Variants in ME2 observed in about 807,000 individuals in gnomAD.
ME2 encodes the protein NAD-dependent malic enzyme, mitochondrial.
Under a neutral mutation model 73.7 loss-of-function variants are expected in ME2, and 60 were observed. The ratio of observed to expected loss-of-function variants is 0.81; its 90% CI spans 0.66 to 1.01. The LOEUF (loss-of-function observed/expected upper bound fraction) is 1.01. Ranked by LOEUF, ME2 falls within the 50% of genes least tolerant of loss-of-function variation. ME2 has a pLI of 0.00. For missense variants in ME2, 594 were observed against 705.5 expected (o/e 0.84, Z 1.79); for synonymous variants, 199 against 236.9 (o/e 0.84, Z 1.47).
chr18:50,924,468 A>C (rs2144243987), intron 11 of ME2, among the ~76,000 whole-genome samples: 1 of 152,290 alleles, frequency 6.6e-6, no homozygotes, highest in South Asian at 2.1e-4. Context: ...GACTCAAAAC[A>C]TGAAAAAAAC....
chr18:50,941,367 T>C, intron 15 of ME2, among the ~76,000 whole-genome samples: 1 of 110,324 alleles, frequency 9.1e-6, no homozygotes, highest in Non-Finnish European at 1.8e-5. Flanking sequence ...TTTTTTTTTT[T>C]TTTTTTTTTT....
intron 15 of ME2, among the ~76,000 whole-genome samples, chr18:50,941,152 T>A (rs921135734): frequency 6.7e-6 from 1 of 149,988 alleles, no homozygotes. Context: ...TCCCAGCTAC[T>A]CTGGAGGCTG....
At chr18:50,898,449 G>A (rs961168871) in intron 2 of ME2, among the ~76,000 whole-genome samples, 5 of 151,626 alleles carry the variant, frequency 3.3e-5, no homozygotes, top group African/African-American at 1.2e-4. Flanking sequence ...TTATTTTTTT[G>A]AGACAGGTTC....
chr18:50,925,076 A>G (rs1215114748), intron 11 of ME2, among the ~76,000 whole-genome samples: 1 of 151,956 alleles, frequency 6.6e-6, no homozygotes, highest in Non-Finnish European at 1.5e-5. Context: ...ATGACATGGT[A>G]TTTTTCTCTT....
chr18:50,934,827 G>A (rs1917779741), intron 13 of ME2: 2 of 152,232 alleles, frequency 1.3e-5, no homozygotes, highest in South Asian at 4.1e-4. Context: ...GGGTCAAAGG[G>A]ATAAGATATT....
At chr18:50,940,658 T>G (rs1917927221) in intron 15 of ME2, among the ~76,000 whole-genome samples, 1 of 152,066 alleles carries the variant, frequency 6.6e-6, no homozygotes, top group Non-Finnish European at 1.5e-5. Context: ...GAGATAGGGG[T>G]CTTCCTGTGT....
chr18:50,903,791 G>A (rs28543025), intron 2 of ME2, among the ~76,000 whole-genome samples: 1 of 152,012 alleles, frequency 6.6e-6, no homozygotes, highest in Non-Finnish European at 1.5e-5. Flanking sequence ...TTAAACATAC[G>A]TTTTAGCCTT....
intron 4 of ME2, chr18:50,913,219 C>A: frequency 4.2e-6 from 1 of 235,852 alleles, no homozygotes; most frequent in Non-Finnish European, 8.1e-6. Flanking sequence ...ACCTGCTCCC[C>A]CACCAAAAAA....
chr18:50,887,695 A>G (rs1916504213), intron 1 of ME2, among the ~76,000 whole-genome samples: 1 of 152,204 alleles, frequency 6.6e-6, no homozygotes, highest in Non-Finnish European at 1.5e-5. Flanking sequence ...TTTAGCTTGT[A>G]AACTCTCAGG....
intron 15 of ME2, among the ~76,000 whole-genome samples, chr18:50,941,481 C>T (rs34600128): frequency 1.4e-5 from 2 of 144,078 alleles, no homozygotes; most frequent in African/African-American, 5.2e-5. Context: ...TTAAACAACT[C>T]TCCTGCCTCA....
At chr18:50,884,607 A>G (rs1916410086) in intron 1 of ME2, among the ~76,000 whole-genome samples, 1 of 152,186 alleles carries the variant, frequency 6.6e-6, no homozygotes, top group Non-Finnish European at 1.5e-5. Flanking sequence ...CGGCCTCCCA[A>G]AGGGCTGGGA....
intron 4 of ME2, among the ~76,000 whole-genome samples, chr18:50,913,860 T>TACACACACACACACACACACACAC (rs1555677139): frequency 2.1e-5 from 3 of 143,176 alleles, no homozygotes; most frequent in Non-Finnish European, 4.5e-5. Flanking sequence ...AGCAATATTA[T>TACACACACACACACACACACACAC]ACACACACAC....
intron 10 of ME2, among the ~76,000 whole-genome samples, chr18:50,922,064 G>A (rs976119428): frequency 6.6e-6 from 1 of 152,226 alleles, no homozygotes; most frequent in African/African-American, 2.4e-5. Context: ...ATTTATGTCT[G>A]TGGAGCAAGC....
intron 13 of ME2, among the ~76,000 whole-genome samples, chr18:50,937,213 G>T (rs1007624272): frequency 1.3e-5 from 2 of 151,314 alleles, no homozygotes; most frequent in African/African-American, 2.4e-5. Flanking sequence ...AATCTAAATG[G>T]ACCACATTCT....
chr18:50,920,759 G>A lies in ME2; in HGVS notation c.942+1G>A, dbSNP rs1917407280. ...AATCTTATTCCTTGGAGCAGGAGAGGTAAGTTTTGAAGGCTTTTTGAAACT... is the reference window on the plus strand; with the variant it reads ...AATCTTATTCCTTGGAGCAGGAGAGATAAGTTTTGAAGGCTTTTTGAAACT... On this transcript the variant is annotated splice_donor_variant, in intron 9 of 15. Transcript: ENST00000321341. LOFTEE classifies it high-confidence loss of function. 1 of 1,599,920 alleles carries A rather than the reference G, an allele frequency of 6.3e-7. No homozygotes were observed. The highest frequency in any genetic ancestry group is 1.8e-5 in the Admixed American group (1 of 56,562).
chr18:50,925,926 T>C (rs1285075748), intron 12 of ME2, 28 bp downstream of exon 12: 7 of 1,522,248 alleles, frequency 4.6e-6, no homozygotes, highest in Non-Finnish European at 6.4e-6. Flanking sequence ...AATTGATATG[T>C]ATATTATTTT....
chr18:50,901,784 G>A (rs1438231035), intron 2 of ME2, among the ~76,000 whole-genome samples: 2 of 152,182 alleles, frequency 1.3e-5, no homozygotes, highest in African/African-American at 2.4e-5. Flanking sequence ...GCCTTAGCAA[G>A]AGAGATGCCA....
intron 1 of ME2, among the ~76,000 whole-genome samples, chr18:50,887,148 A>G (rs180901403): frequency 6.6e-6 from 1 of 152,322 alleles, no homozygotes; most frequent in African/African-American, 2.4e-5. Context: ...AGATGAGTAA[A>G]TAAGTATAAT....
At position 50,932,042 on chromosome 18, in the gene ME2, CTTTATTA is replaced by C. The variant is rs1399239988; in HGVS notation, c.1315-209_1315-203del. ...ATTTTTAGTAATAAATGATTTTTAA[CTTTATTA>C]TTTATTTATTGAATGTATACTACAC... On this transcript the variant is annotated intron_variant, in intron 12 of 15. Coordinates refer to ENST00000321341, the MANE Select transcript of ME2 (RefSeq NM_002396.5). Among the ~76,000 whole-genome samples, 5 of 151,966 alleles carry C rather than the reference CTTTATTA, an allele frequency of 3.3e-5. No homozygotes were observed. In the East Asian group the frequency reaches 7.7e-4, roughly 23 times the overall value.
Sources: gnomAD v4.1 joint callset for allele counts (sites outside exome capture counted in the v4.1 genomes callset) on GRCh38, gnomAD v4.1.1 for gene constraint, MANE v1.5 for transcripts, NCBI Gene and HGNC (gene_info 2026-07-23, HGNC 2026-07-21) for gene names.